The following GPRC6A variants were observed in gnomAD, a reference collection of about 807,000 sequenced individuals.
The protein encoded by GPRC6A is G protein-coupled receptor class C group 6 member A.
Under a neutral mutation model 47.0 loss-of-function variants are expected in GPRC6A, and 54 were observed. The ratio of observed to expected loss-of-function variants is 1.15; its 90% CI spans 0.92 to 1.44. The LOEUF is 1.44. Among genes scored for constraint, GPRC6A ranks in the 40% most tolerant of loss-of-function variants. GPRC6A has a pLI of 0.00. For synonymous variants in GPRC6A, 347 were observed against 377.1 expected (o/e 0.92, Z 0.93); for missense variants, 1,112 against 1,105.5 (o/e 1.01, Z -0.08).
intron 1 of GPRC6A, among the ~76,000 whole-genome samples, chr6:116,810,403 G>A (rs1256177841): frequency 1.3e-5 from 2 of 151,756 alleles, no homozygotes; most frequent in Non-Finnish European, 2.9e-5. Flanking sequence ...ATGTTTAGAT[G>A]GTTCTATCTC....
Position 116,814,405 on chromosome 6 carries a change from C to T in GPRC6A, c.195-4788G>A, listed in dbSNP as rs79423127. ...TTAAAAAAATGTGGCACATATACAC[C>T]ATGGAGTACTATGCAGCCATAAAAA... On this transcript the variant is annotated intron_variant, in intron 1 of 5. Coordinates refer to ENST00000310357, the MANE Select transcript of GPRC6A (RefSeq NM_148963.4). 0.018 allele frequency among the ~76,000 whole-genome samples: 2,772 copies of T among 152,174 alleles called. 199 individuals are homozygous for T. The South Asian group carries it at 0.2, about 11-fold the overall frequency.
rs1409988891 is a variant in GPRC6A, at chr6:116,806,533, G to A, written c.1172C>T (p.Ala391Val). ...TCTCATGACGAAGTTCCTTTCTATA[G>A]CCTTGTTAGCCTTGTAGGCCAAAGT... ...QRTLAYKANKAIERNFVMRND... is the reference protein window; with the variant it reads ...QRTLAYKANKVIERNFVMRND... The change falls in exon 3 of 6, where the codon GCT becomes GTT. Residue 391 changes from alanine (A) to valine (V), a missense_variant. Coordinates refer to ENST00000310357, the MANE Select transcript of GPRC6A (RefSeq NM_148963.4). The A allele has an allele frequency of 1.2e-6, 2 of 1,613,436 alleles. No individual in the cohort carries two copies. The highest frequency in any genetic ancestry group is 1.7e-6 in the Non-Finnish European group (2 of 1,179,736).
chr6:116,825,686 T>G (rs1395895541), intron 1 of GPRC6A, among the ~76,000 whole-genome samples: 1 of 151,736 alleles, frequency 6.6e-6, no homozygotes, highest in Non-Finnish European at 1.5e-5. Flanking sequence ...AATGTCAACA[T>G]CATTTTTCAC....
chr6:116,811,247 A>G (rs1773013616), intron 1 of GPRC6A, among the ~76,000 whole-genome samples: 1 of 152,166 alleles, frequency 6.6e-6, no homozygotes, highest in South Asian at 2.1e-4. Context: ...AACCAGAATA[A>G]AAGCCAAAGG....
At position 116,792,821 on chromosome 6, in the gene GPRC6A, A is replaced by C; in HGVS notation, c.2102T>G (p.Leu701Arg). Reference protein sequence around the residue: ...DPKLQKFLKCLYRPILIIFTC... With the variant: ...DPKLQKFLKCRYRPILIIFTC... ...GAAGATAATAAGGATCGGTCTATAGAGGCACTTCAGAAATTTCTGTAATTT... is the reference window on the plus strand; with the variant it reads ...GAAGATAATAAGGATCGGTCTATAGCGGCACTTCAGAAATTTCTGTAATTT... Residue 701 changes from leucine (L) to arginine (R), a missense_variant, in exon 6 of 6, where the codon CTC becomes CGC. By Grantham distance (102) the Leu-to-Arg change is moderately radical. Transcript: ENST00000310357. 1 of 1,614,062 alleles carries C rather than the reference A, an allele frequency of 6.2e-7. No individual in the cohort carries two copies. The highest frequency in any genetic ancestry group is 8.5e-7 in the Non-Finnish European group (1 of 1,179,974).
chr6:116,817,798 G>A (rs577419061), intron 1 of GPRC6A, among the ~76,000 whole-genome samples: 1 of 152,218 alleles, frequency 6.6e-6, no homozygotes, highest in East Asian at 1.9e-4. Flanking sequence ...AAGATGAAAG[G>A]AATGAAATGA....
chr6:116,821,931 A>G (rs1405505345), intron 1 of GPRC6A, among the ~76,000 whole-genome samples: 3 of 149,412 alleles, frequency 2.0e-5, no homozygotes, highest in African/African-American at 7.6e-5. Flanking sequence ...GCAACCTACA[A>G]AATGGGAGAA....
At position 116,792,884 on chromosome 6, in the gene GPRC6A, T is replaced by A; in HGVS notation, c.2039A>T (p.Lys680Met). The A allele has an allele frequency of 6.2e-7, 1 of 1,614,110 alleles. No homozygotes were observed. Among genetic ancestry groups the A allele is most frequent in the Non-Finnish European group, 8.5e-7 (1 of 1,179,998 alleles). ...FTLCISCILT[K>M]SLKILLAFSF... is the part of the protein sequence containing the mutation. Reference sequence around the variant, plus strand: ...GAAGGCTAGCAAAATTTTCAGAGACTTCGTCAAAATGCAGGAGATGCAAAG... The same window carrying A: ...GAAGGCTAGCAAAATTTTCAGAGACATCGTCAAAATGCAGGAGATGCAAAG... The change falls in exon 6 of 6, where the codon AAG (lysine) becomes ATG (methionine). Residue 680 changes from lysine to methionine, a missense_variant. By Grantham distance (95) the Lys-to-Met change is moderately conservative. Transcript: ENST00000310357.
intron 1 of GPRC6A, 149 bp downstream of exon 1, chr6:116,828,671 A>G: frequency 1.7e-6 from 1 of 601,022 alleles, no homozygotes; most frequent in African/African-American, 1.9e-5. Flanking sequence ...TCTTTTAAAG[A>G]AGGATTGCAA....
At position 116,792,777 on chromosome 6, in the gene GPRC6A, C is replaced by T; in HGVS notation, c.2146G>A (p.Val716Ile). The change falls in exon 6 of 6, where the codon GTT becomes ATT. Residue 716 changes from valine (V) to isoleucine (I), a missense_variant. Val to Ile is a conservative substitution (Grantham distance 29). Coordinates refer to ENST00000310357, the MANE Select transcript of GPRC6A (RefSeq NM_148963.4). ...ATTAGCCAGAGTGTGCAAATGACAA[C>T]CTGGATGCCCGTGCAAGTGAAGATA... ...LIIFTCTGIQ[V>I]VICTLWLIFA... The T allele has an allele frequency of 6.2e-7, 1 of 1,613,784 alleles. No homozygotes were observed. Among genetic ancestry groups the T allele is most frequent in the Non-Finnish European group, 8.5e-7 (1 of 1,179,766 alleles).
rs145289106 is a variant in GPRC6A, at chr6:116,807,490, G to T, written c.499-284C>A. Among the ~76,000 whole-genome samples the T allele has an allele frequency of 7.9e-5, 12 of 152,162 alleles. No individual in the cohort carries two copies. In the East Asian group the frequency reaches 2.3e-3, roughly 29 times the overall value. On this transcript the variant is annotated intron_variant, in intron 2 of 5. Coordinates refer to ENST00000310357, the MANE Select transcript of GPRC6A (RefSeq NM_148963.4). ...ATATTTATCTTATATCTTTGGCCAG[G>T]GGCCAAGGGTGGATATTATTTAAAT...
chr6:116,812,958 C>T (rs1390858642), intron 1 of GPRC6A, among the ~76,000 whole-genome samples: 3 of 152,120 alleles, frequency 2.0e-5, no homozygotes, highest in Non-Finnish European at 2.9e-5. Context: ...TTCCTATACA[C>T]CAATAACAGA....
Position 116,792,471 on chromosome 6 carries a change from T to G in GPRC6A, c.2452A>C (p.Ile818Leu). 1.2e-6 allele frequency: 2 copies of G among 1,613,802 alleles called. No homozygotes were observed. The highest frequency in any genetic ancestry group is 1.1e-5 in the South Asian group (1 of 91,074). The part of the protein sequence containing the change: ...KYVPAVEIIV[I>L]LISNYGILYC... Reference sequence around the variant, plus strand: ...AGGATTCCATAGTTAGATATTAATATGACAATAATCTCCACAGCTGGTACA... The same window carrying G: ...AGGATTCCATAGTTAGATATTAATAGGACAATAATCTCCACAGCTGGTACA... Residue 818 changes from isoleucine (I) to leucine (L), a missense_variant, in exon 6 of 6, where the codon ATA (isoleucine) becomes CTA (leucine). Coordinates refer to ENST00000310357, the MANE Select transcript of GPRC6A (RefSeq NM_148963.4).
At chr6:116,800,458 G>A (rs1247829892) in intron 4 of GPRC6A, 126 bp downstream of exon 4, 1 of 602,326 alleles carries the variant, frequency 1.7e-6, no homozygotes, top group East Asian at 3.2e-5. Flanking sequence ...CACTGATTAG[G>A]CAGAAACTTG....
At chr6:116,809,173 G>A in intron 2 of GPRC6A, 141 bp downstream of exon 2, 1 of 636,722 alleles carries the variant, frequency 1.6e-6, no homozygotes, top group Non-Finnish European at 2.7e-6. Context: ...TCTCTGTAAT[G>A]GTGTGCATCC....
chr6:116,817,830 A>G (rs1008773186), intron 1 of GPRC6A, among the ~76,000 whole-genome samples: 3 of 152,264 alleles, frequency 2.0e-5, no homozygotes. Flanking sequence ...AAGGTTAGAG[A>G]AAAAAGAATA....
In GPRC6A at chr6:116,806,453, C is replaced by G; in HGVS notation, c.1252G>C (p.Ala418Pro). The G allele has an allele frequency of 6.2e-7, 1 of 1,613,480 alleles. No individual in the cohort carries two copies. Among genetic ancestry groups the G allele is most frequent in the East Asian group, 2.2e-5 (1 of 44,868 alleles). ...EPGLIHSIQL[A>P]VFALGYAIRD... ...ATGGCATAACCAAGGGCAAACACTG[C>G]AAGCTGAATACTATGAATGAGTCCT... Residue 418 changes from alanine (A) to proline (P), a missense_variant, in exon 3 of 6, where the codon GCA becomes CCA. Physicochemically the swap from Ala to Pro is conservative, Grantham distance 27. Transcript: ENST00000310357.
rs1772328456 is a variant in GPRC6A at position 116,792,325 on chromosome 6, CAG to C, written c.2596_2597del (p.Leu866GlufsTer20). On this transcript the variant is annotated frameshift_variant, in exon 6 of 6. Coordinates refer to ENST00000310357, the MANE Select transcript of GPRC6A (RefSeq NM_148963.4). LOFTEE classifies it low-confidence loss of function (END_TRUNC). ...YSSHSVSSIALSPASLDSMSG... is the reference protein window; with the variant it reads ...YSSHSVSSIAXSPASLDSMSG... ...TCATGGAGTCCAGTGAAGCAGGACT[CAG>C]GGCAATGCTGCTCACACTATGGGAA... 6.2e-7 allele frequency: 1 copy of C among 1,613,890 alleles called. No individual in the cohort carries two copies. Among genetic ancestry groups the C allele is most frequent in the Admixed American group, 1.7e-5 (1 of 59,982 alleles).
intron 1 of GPRC6A, among the ~76,000 whole-genome samples, chr6:116,821,621 A>G (rs1020080732): frequency 4.6e-5 from 7 of 152,138 alleles, no homozygotes; most frequent in African/African-American, 1.2e-4. Context: ...AGGATTCCCT[A>G]TTTAATAAAT....
Sources: gnomAD v4.1 joint callset for allele counts (sites outside exome capture counted in the v4.1 genomes callset) on GRCh38, gnomAD v4.1.1 for gene constraint, MANE v1.5 for transcripts, NCBI Gene and HGNC (gene_info 2026-07-23, HGNC 2026-07-21) for gene names.